GABRA3: variants seen among roughly 807,000 people sequenced by gnomAD.
The protein encoded by GABRA3 is gamma-aminobutyric acid receptor subunit alpha-3.
GABRA3 carries 10 observed loss-of-function variants against 30.1 expected under a neutral mutation model. That is an observed-to-expected ratio of 0.33 (90% confidence interval 0.20 to 0.56). GABRA3 has a LOEUF of 0.56. Ranked by LOEUF, GABRA3 falls within the 20% of genes least tolerant of loss-of-function variation. The probability of loss-of-function intolerance (pLI) is 0.89; values close to 1 mark genes in which losing one functional copy is unlikely to be tolerated. For missense variants in GABRA3, 233 were observed against 392.0 expected, an observed-to-expected ratio of 0.59 and a Z score of 3.42; for synonymous variants, 151 against 146.8, an observed-to-expected ratio of 1.03 and a Z score of -0.21.
chrX:152,352,231 A>T (rs949401241), intron 2 of GABRA3, among the ~76,000 whole-genome samples: 1 of 111,870 alleles, frequency 8.9e-6, no homozygotes, highest in Non-Finnish European at 1.9e-5. Context: ...AAAGCACAAT[A>T]AAGTGAAGCA....
At chrX:152,420,261 G>C (rs747204548) in intron 1 of GABRA3, among the ~76,000 whole-genome samples, 37 of 110,954 alleles carry the variant, frequency 3.3e-4, no homozygotes, top group Admixed American at 3.3e-3. Context: ...TTGTACTAGA[G>C]GTCTTAGGCA....
intron 9 of GABRA3, among the ~76,000 whole-genome samples, chrX:152,174,739 A>G (rs1421074954): frequency 1.8e-5 from 2 of 111,256 alleles, no homozygotes; most frequent in African/African-American, 6.5e-5. Context: ...CATTCTGTAG[A>G]TTGCCTGTTC....
At chrX:152,304,417 T>C (rs1404350899) in intron 3 of GABRA3, among the ~76,000 whole-genome samples, 1 of 112,367 alleles carries the variant, frequency 8.9e-6, no homozygotes, top group East Asian at 2.8e-4. Flanking sequence ...TCTTTTAGGA[T>C]TTTTGTAGTT....
At chrX:152,215,780 G>GT (rs773692558) in intron 6 of GABRA3, among the ~76,000 whole-genome samples, 1 of 111,561 alleles carries the variant, frequency 9.0e-6, no homozygotes, top group East Asian at 2.8e-4. Context: ...CTTCTGTAGA[G>GT]TAAGTGAAAC....
At chrX:152,170,636 T>C (rs756936349) in intron 9 of GABRA3, among the ~76,000 whole-genome samples, 1 of 111,866 alleles carries the variant, frequency 8.9e-6, no homozygotes, top group East Asian at 2.8e-4. Context: ...TTTTTTGAGT[T>C]GACAAGAAGT....
intron 7 of GABRA3, among the ~76,000 whole-genome samples, chrX:152,199,273 G>C (rs1406116575): frequency 9.5e-6 from 1 of 105,615 alleles, no homozygotes; most frequent in Non-Finnish European, 2.0e-5. Flanking sequence ...GGCTGAGGCA[G>C]GAGAATGGCG....
At chrX:152,311,671 T>C (rs1939800987) in intron 3 of GABRA3, among the ~76,000 whole-genome samples, 1 of 111,373 alleles carries the variant, frequency 9.0e-6, no homozygotes, top group South Asian at 3.7e-4. Context: ...ACCACTCCTA[T>C]TCAACACATT....
intron 3 of GABRA3, among the ~76,000 whole-genome samples, chrX:152,303,797 T>C (rs1603237930): frequency 9.4e-6 from 1 of 106,626 alleles, no homozygotes; most frequent in East Asian, 3.0e-4. Context: ...AACATCACAC[T>C]CTGGGGCCTG....
intron 1 of GABRA3, among the ~76,000 whole-genome samples, chrX:152,418,093 T>G (rs1001571427): frequency 1.8e-5 from 2 of 110,846 alleles, no homozygotes; most frequent in Non-Finnish European, 3.8e-5. Flanking sequence ...ATGTCATAAC[T>G]GGATTTCAGG....
At chrX:152,226,511 C>A (rs1937958013) in intron 5 of GABRA3, among the ~76,000 whole-genome samples, 1 of 111,301 alleles carries the variant, frequency 9.0e-6, no homozygotes, top group Admixed American at 9.6e-5. Flanking sequence ...GCAATGGCAA[C>A]AAAAGCCAAA....
chrX:152,264,860 C>A (rs1938795372), intron 4 of GABRA3, among the ~76,000 whole-genome samples: 1 of 110,209 alleles, frequency 9.1e-6, no homozygotes. Context: ...TTATATCAGA[C>A]AAAATAGATA....
At chrX:152,233,237 A>C (rs1481800379) in intron 5 of GABRA3, among the ~76,000 whole-genome samples, 28 of 108,449 alleles carry the variant, frequency 2.6e-4, no homozygotes, top group African/African-American at 9.5e-4. Context: ...GGTTGCGAAA[A>C]TTTTCTCCCA....
At chrX:152,451,109 T>G (rs1313598965) in intron 1 of GABRA3, 37 bp downstream of exon 1, 2 of 111,887 alleles carry the variant, frequency 1.8e-5, no homozygotes. Context: ...GACCTGAGCT[T>G]GGGGGAGGGG....
intron 2 of GABRA3, among the ~76,000 whole-genome samples, chrX:152,361,931 A>G (rs1928520388): frequency 8.9e-6 from 1 of 112,478 alleles, no homozygotes; most frequent in African/African-American, 3.2e-5. Flanking sequence ...TAACACTTGA[A>G]GCGGTAAGGT....
intron 9 of GABRA3, among the ~76,000 whole-genome samples, chrX:152,181,824 T>TAA (rs111733044): frequency 8.4e-5 from 9 of 106,653 alleles, no homozygotes; most frequent in African/African-American, 1.4e-4. Context: ...AGTATAATAA[T>TAA]AAAAAAAAAG....
chrX:152,304,683 T>C (rs1603238119), intron 3 of GABRA3, among the ~76,000 whole-genome samples: 1 of 112,299 alleles, frequency 8.9e-6, no homozygotes, highest in East Asian at 2.8e-4. Flanking sequence ...TACCATGCTG[T>C]TTTGGTTACT....
At chrX:152,324,061 A>G (rs1479802672) in intron 3 of GABRA3, among the ~76,000 whole-genome samples, 2 of 112,351 alleles carry the variant, frequency 1.8e-5, no homozygotes, top group Non-Finnish European at 3.8e-5. Flanking sequence ...GAATTAATTA[A>G]TGATTTAATC....
intron 9 of GABRA3, 27 bp downstream of exon 9, chrX:152,189,703 C>T (rs749088482): frequency 1.8e-6 from 2 of 1,128,566 alleles, no homozygotes; most frequent in Non-Finnish European, 2.4e-6. Context: ...GGGGGTGCTT[C>T]TCAGTTTCTC....
chrX:152,170,479 ATT>A (rs777124526), intron 9 of GABRA3, among the ~76,000 whole-genome samples: 1 of 111,296 alleles, frequency 9.0e-6, no homozygotes, highest in Non-Finnish European at 1.9e-5. Flanking sequence ...ATGCCCAGCT[ATT>A]TTTTTGTTTT....
Sources: allele counts gnomAD v4.1 joint callset (sites outside exome capture counted in the v4.1 genomes callset), GRCh38; gene constraint gnomAD v4.1.1; transcripts MANE v1.5; gene names NCBI Gene and HGNC (gene_info 2026-07-23, HGNC 2026-07-21).